Variants in ANK3 observed in about 807,000 individuals in gnomAD.
ANK3 encodes ankyrin 3, also known as ankyrin-3.
A neutral mutation model predicts 370.9 loss-of-function variants in ANK3; 57 were observed. That is an observed-to-expected ratio of 0.15 (90% CI 0.12 to 0.19). The LOEUF (loss-of-function observed/expected upper bound fraction) is 0.19, where lower values mean the gene tolerates loss of function less well. Among genes scored for constraint, ANK3 ranks in the 10% least tolerant of loss-of-function variants. ANK3 has a pLI of 1.00. For missense variants in ANK3, 4,439 were observed against 5,302.1 expected (o/e 0.84, Z 5.06); for synonymous variants, 1,929 against 1,946.3 (o/e 0.99, Z 0.23).
At chr10:60,609,915 G>T (rs1259152733) in intron 2 of ANK3, among the ~76,000 whole-genome samples, 2 of 151,964 alleles carry the variant, frequency 1.3e-5, no homozygotes, top group Non-Finnish European at 2.9e-5. Context: ...CAATTATACA[G>T]TTAACAGTTC....
chr10:60,287,169 A>T (rs1001194711), intron 1 of ANK3, among the ~76,000 whole-genome samples: 1 of 152,156 alleles, frequency 6.6e-6, no homozygotes, highest in Non-Finnish European at 1.5e-5. Flanking sequence ...GTACTCATAC[A>T]ACCAAGTAAA....
intron 8 of ANK3, among the ~76,000 whole-genome samples, chr10:60,230,692 C>T (rs2097227048): frequency 6.6e-6 from 1 of 152,092 alleles, no homozygotes; most frequent in South Asian, 2.1e-4. Context: ...AGATCAAGAC[C>T]ATCCTGGCTA....
intron 1 of ANK3, among the ~76,000 whole-genome samples, chr10:60,281,695 A>G (rs955165966): frequency 1.3e-5 from 2 of 152,244 alleles, no homozygotes; most frequent in African/African-American, 4.8e-5. Flanking sequence ...TAATTAAAGT[A>G]TTGCCTGGAA....
At position 60,406,349 on chromosome 10, in the gene ANK3, C is replaced by A. The variant is rs140262189; in HGVS notation, c.97-126710G>T. On this transcript the variant is annotated intron_variant, in intron 2 of 43. Transcript: ENST00000373827. Reference sequence around the variant, plus strand: ...GATCAGCAGCCCCCAGCCTTTTTGGCACAAGGGACTGGTTTCATAAATGAC... The same window carrying A: ...GATCAGCAGCCCCCAGCCTTTTTGGAACAAGGGACTGGTTTCATAAATGAC... Among the ~76,000 whole-genome samples, 422 of 152,274 alleles carry A rather than the reference C, an allele frequency of 2.8e-3. 1 individual carries two copies. Among genetic ancestry groups the A allele is most frequent in the African/African-American group, 9.7e-3 (403 of 41,550 alleles).
chr10:60,134,229 G>T (rs779890278), intron 25 of ANK3, 42 bp downstream of exon 25: 1 of 1,456,958 alleles, frequency 6.9e-7, no homozygotes. Flanking sequence ...TCATACAAAT[G>T]TAAGTTTAAT....
intron 2 of ANK3, among the ~76,000 whole-genome samples, chr10:60,475,672 T>C (rs943658188): frequency 2.0e-5 from 3 of 152,184 alleles, no homozygotes; most frequent in African/African-American, 7.2e-5. Context: ...GGGATTTTTT[T>C]TTCTCCTCAA....
intron 2 of ANK3, among the ~76,000 whole-genome samples, chr10:60,569,983 T>C (rs1300453722): frequency 6.6e-6 from 1 of 152,186 alleles, no homozygotes; most frequent in Non-Finnish European, 1.5e-5. Flanking sequence ...CCCAGAAAAC[T>C]TATGGAATAT....
rs933712095 is a variant in ANK3 at position 60,611,037 on chromosome 10, G to C, written c.96+4149C>G. On this transcript the variant is annotated intron_variant, in intron 2 of 43. Coordinates refer to the ANK3 transcript ENST00000373827. ...AGTTAACTAAAGTGATCATTCATAA[G>C]ATAATTTCTATATGAGTAAATTATA... 7.9e-5 allele frequency among the ~76,000 whole-genome samples: 12 copies of C among 152,252 alleles called. No homozygotes were observed. In the South Asian group the frequency reaches 8.3e-4, roughly 11 times the overall value.
At chr10:60,110,884 C>T (rs1408367827) in intron 26 of ANK3, among the ~76,000 whole-genome samples, 1 of 152,184 alleles carries the variant, frequency 6.6e-6, no homozygotes, top group South Asian at 2.1e-4. Context: ...TACACACACA[C>T]TGGAATGTTT....
intron 1 of ANK3, among the ~76,000 whole-genome samples, chr10:60,651,427 A>G (rs1188112290): frequency 6.6e-6 from 1 of 152,204 alleles, no homozygotes; most frequent in African/African-American, 2.4e-5. Context: ...AAAGCCCAAA[A>G]CTTTAAAGAA....
At chr10:60,670,888 C>T (rs929920421) in intron 1 of ANK3, among the ~76,000 whole-genome samples, 3 of 152,190 alleles carry the variant, frequency 2.0e-5, no homozygotes, top group Non-Finnish European at 2.9e-5. Context: ...CCCTGTTTTG[C>T]TGTTTTACAT....
intron 2 of ANK3, among the ~76,000 whole-genome samples, chr10:60,430,728 T>C (rs984034216): frequency 3.9e-5 from 6 of 152,166 alleles, no homozygotes; most frequent in Non-Finnish European, 8.8e-5. Context: ...TCATGACTTC[T>C]TATTTCCTCA....
chr10:60,281,049 C>A (rs1157317933), intron 1 of ANK3, among the ~76,000 whole-genome samples: 3 of 152,118 alleles, frequency 2.0e-5, no homozygotes, highest in Non-Finnish European at 4.4e-5. Context: ...AATGCTAATT[C>A]TTTCATGGAA....
At chr10:60,252,972 G>A (rs2097689529) in intron 7 of ANK3, among the ~76,000 whole-genome samples, 1 of 152,166 alleles carries the variant, frequency 6.6e-6, no homozygotes. Flanking sequence ...AGCAATTTCT[G>A]TGGATTATTT....
At chr10:60,175,786 C>G (rs2132323804) in intron 18 of ANK3, among the ~76,000 whole-genome samples, 1 of 152,324 alleles carries the variant, frequency 6.6e-6, no homozygotes, top group Admixed American at 6.5e-5. Flanking sequence ...GGACCCAGCT[C>G]TGCTACTTAC....
chr10:60,512,528 T>G (rs557202062), intron 2 of ANK3, among the ~76,000 whole-genome samples: 49 of 152,144 alleles, frequency 3.2e-4, no homozygotes, highest in Middle Eastern at 3.4e-3. Flanking sequence ...GAAAAGAAAA[T>G]TCTTAAGCAA....
At chr10:60,423,277 C>T (rs2063814874) in intron 2 of ANK3, among the ~76,000 whole-genome samples, 1 of 151,918 alleles carries the variant, frequency 6.6e-6, no homozygotes, top group Non-Finnish European at 1.5e-5. Context: ...TGCACATCAC[C>T]TTCCTTTATT....
chr10:60,504,336 A>G (rs2075878304), intron 2 of ANK3, among the ~76,000 whole-genome samples: 1 of 152,184 alleles, frequency 6.6e-6, no homozygotes, highest in Admixed American at 6.5e-5. Context: ...CAGGCATGGT[A>G]GGTGCAGCTT....
intron 8 of ANK3, among the ~76,000 whole-genome samples, chr10:60,231,617 G>C (rs575492173): frequency 6.6e-6 from 1 of 152,124 alleles, no homozygotes; most frequent in East Asian, 1.9e-4. Context: ...ATTTTAGCCC[G>C]CTCCTTCCCT....
Sources: gnomAD v4.1 joint callset for allele counts (sites outside exome capture counted in the v4.1 genomes callset) on GRCh38, gnomAD v4.1.1 for gene constraint, MANE v1.5 for transcripts, NCBI Gene and HGNC (gene_info 2026-07-23, HGNC 2026-07-21) for gene names.